PDLIM5: variants seen among roughly 807,000 people sequenced by gnomAD.
PDLIM5 encodes PDZ and LIM domain protein 5.
Under a neutral mutation model 64.2 loss-of-function variants are expected in PDLIM5, and 34 were observed. That is an observed-to-expected ratio of 0.53 (90% CI 0.40 to 0.71). The LOEUF is 0.71. PDLIM5 is among the 30% of genes least tolerant of loss of function. The probability of loss-of-function intolerance (pLI) is 0.00; values close to 1 mark genes in which losing one functional copy is unlikely to be tolerated. For missense variants in PDLIM5, 683 were observed against 733.6 expected (o/e 0.93, Z 0.80); for synonymous variants, 253 against 269.1 (o/e 0.94, Z 0.59).
intron 9 of PDLIM5, among the ~76,000 whole-genome samples, chr4:94,645,051 C>T (rs992415994): frequency 6.6e-6 from 1 of 152,092 alleles, no homozygotes; most frequent in African/African-American, 2.4e-5. Flanking sequence ...AATTTGTAGT[C>T]TTTTATCCCT....
rs1298668515 is a variant in PDLIM5 at position 94,582,831 on chromosome 4, T to C, written c.711-2734T>C. 5 of 768,194 alleles carry C rather than the reference T, an allele frequency of 6.5e-6. No individual in the cohort carries two copies. The African/African-American group carries it at 8.7e-5, about 13-fold the overall frequency. The allele number at this position is 768,194 out of a possible 1,614,324, so 47.6% of individuals were successfully genotyped here. On this transcript the variant is annotated intron_variant, in intron 5 of 12. Transcript: ENST00000317968. Reference sequence around the variant, plus strand: ...AGCAAATTTTGTTAGGATTTTCTCATTATAAGAATTTTCAAAAATGTTAAG... The same window carrying C: ...AGCAAATTTTGTTAGGATTTTCTCACTATAAGAATTTTCAAAAATGTTAAG...
intron 8 of PDLIM5, among the ~76,000 whole-genome samples, chr4:94,632,046 C>T (rs753427515): frequency 2.0e-5 from 3 of 152,254 alleles, no homozygotes; most frequent in African/African-American, 2.4e-5. Context: ...TGTGAACACA[C>T]GCATAGCGTA....
chr4:94,591,300 G>A (rs1333770541), intron 7 of PDLIM5, among the ~76,000 whole-genome samples: 1 of 152,012 alleles, frequency 6.6e-6, no homozygotes, highest in Non-Finnish European at 1.5e-5. Context: ...TTTTTTCTTG[G>A]TTAGAAGTAG....
chr4:94,587,925 A>G, intron 7 of PDLIM5: 1 of 970,474 alleles, frequency 1.0e-6, no homozygotes, highest in Non-Finnish European at 1.2e-6. Context: ...GACATCAGAG[A>G]AATATTTTAC....
chr4:94,588,048 A>G (rs1288456849), intron 7 of PDLIM5: 9 of 903,940 alleles, frequency 1.0e-5, no homozygotes, highest in African/African-American at 1.8e-5. Context: ...AATATAGTGT[A>G]TTATATATTA....
chr4:94,515,876 CT>C (rs1729314492), intron 2 of PDLIM5, among the ~76,000 whole-genome samples: 1 of 152,158 alleles, frequency 6.6e-6, no homozygotes, highest in African/African-American at 2.4e-5. Context: ...ACTGATTTCT[CT>C]GTAATTAACA....
Position 94,561,021 on chromosome 4 carries a change from C to T in PDLIM5, c.249-12330C>T, listed in dbSNP as rs144111347. On this transcript the variant is annotated intron_variant, in intron 3 of 12. Transcript: ENST00000317968. ...GGATTACAGGCTTGAGCCACCGCGC[C>T]CAGCCAACTTAGATGATTTTTAAAA... Among the ~76,000 whole-genome samples, 432 of 152,282 alleles carry T rather than the reference C, an allele frequency of 2.8e-3. 1 individual carries two copies. The highest frequency in any genetic ancestry group is 4.8e-3 in the Non-Finnish European group (324 of 68,028).
intron 9 of PDLIM5, among the ~76,000 whole-genome samples, chr4:94,640,897 A>G (rs1056440078): frequency 6.6e-6 from 1 of 152,238 alleles, no homozygotes; most frequent in Non-Finnish European, 1.5e-5. Flanking sequence ...TTTTGAGTAC[A>G]CAAGCACTGA....
rs11946158 is a variant in PDLIM5, at chr4:94,658,911, T to G, written c.1585+1364T>G. On this transcript the variant is annotated intron_variant, in intron 11 of 12. Transcript: ENST00000317968. Reference sequence around the variant, plus strand: ...TGGGTTTTGTTTGTTTGTTTGTTTGTTTGGTTTTTAGTTTGATTTGTTTGT... The same window carrying G: ...TGGGTTTTGTTTGTTTGTTTGTTTGGTTGGTTTTTAGTTTGATTTGTTTGT... Among the ~76,000 whole-genome samples, 665 of 152,338 alleles carry G rather than the reference T, an allele frequency of 4.4e-3. 2 individuals are homozygous for G. The highest frequency in any genetic ancestry group is 0.013 in the African/African-American group (542 of 41,568).
At chr4:94,588,258 A>G (rs986339765) in intron 7 of PDLIM5, 15 of 803,022 alleles carry the variant, frequency 1.9e-5, no homozygotes, top group Non-Finnish European at 2.3e-5. Context: ...TGAGGTTACT[A>G]AAATATGGGT....
chr4:94,620,682 A>T (rs1183810055), intron 8 of PDLIM5, among the ~76,000 whole-genome samples: 2 of 152,098 alleles, frequency 1.3e-5, no homozygotes, highest in African/African-American at 4.8e-5. Flanking sequence ...TAAATAAATT[A>T]TTTATAAATT....
Position 94,654,560 on chromosome 4 carries a change from A to AAAGG in PDLIM5, c.1386_1389dup (p.Ala464ArgfsTer6). ...GGCCTACATTGGATTTGTAGAGGAGAAAGGAGCCCTGTATTGTGAGCTGTG... is the reference window on the plus strand; with the variant it reads ...GGCCTACATTGGATTTGTAGAGGAGAAAGGAAGGAGCCCTGTATTGTGAGCTGTG... On this transcript the variant is annotated frameshift_variant, in exon 10 of 13. Coordinates refer to ENST00000317968, the MANE Select transcript of PDLIM5 (RefSeq NM_006457.5). LOFTEE classifies it high-confidence loss of function. 6.2e-7 allele frequency: 1 copy of AAAGG among 1,612,482 alleles called. No homozygotes were observed. Among genetic ancestry groups the AAAGG allele is most frequent in the Non-Finnish European group, 8.5e-7 (1 of 1,178,540 alleles).
Position 94,487,650 on chromosome 4 carries a change from G to A in PDLIM5, c.96+32266G>A, listed in dbSNP as rs114794508. On this transcript the variant is annotated intron_variant, in intron 2 of 12. Transcript: ENST00000317968. Reference sequence around the variant, plus strand: ...GTACTCCCTGTAAAATATTCATTAGGAATGGAGACTTCATGGTGCTTACTG... The same window carrying A: ...GTACTCCCTGTAAAATATTCATTAGAAATGGAGACTTCATGGTGCTTACTG... Among the ~76,000 whole-genome samples the A allele has an allele frequency of 6.5e-3, 986 of 152,286 alleles. 10 individuals carry two copies. The highest frequency in any genetic ancestry group is 0.011 in the Non-Finnish European group (758 of 68,030).
At chr4:94,488,862 T>C (rs965587840) in intron 2 of PDLIM5, among the ~76,000 whole-genome samples, 2 of 152,226 alleles carry the variant, frequency 1.3e-5, no homozygotes, top group Non-Finnish European at 2.9e-5. Context: ...CTTCAATCTT[T>C]ACTAAAGCAA....
At chr4:94,508,399 C>G (rs183000722) in intron 2 of PDLIM5, among the ~76,000 whole-genome samples, 3 of 152,130 alleles carry the variant, frequency 2.0e-5, no homozygotes, top group Non-Finnish European at 4.4e-5. Context: ...CTAACCTAAA[C>G]AAAGAGCTGG....
intron 7 of PDLIM5, among the ~76,000 whole-genome samples, chr4:94,607,123 C>T (rs1254640536): frequency 6.6e-6 from 1 of 152,178 alleles, no homozygotes; most frequent in Non-Finnish European, 1.5e-5. Context: ...TTTTCTTCAA[C>T]TGTCTACGTT....
rs1729195140 is a variant in PDLIM5, at chr4:94,514,446, A to G, written c.97-9278A>G. ...ACTTCGCCTGGCCTCGGTTTGCAGT[A>G]TTTTCTGGAGGATTTTTGCATCAAT... On this transcript the variant is annotated intron_variant, in intron 2 of 12. Coordinates refer to ENST00000317968, the MANE Select transcript of PDLIM5 (RefSeq NM_006457.5). 1.3e-5 allele frequency among the ~76,000 whole-genome samples: 2 copies of G among 151,614 alleles called. 1 individual carries two copies. Among genetic ancestry groups the G allele is most frequent in the Admixed American group, 1.3e-4 (2 of 15,224 alleles).
chr4:94,503,617 T>A (rs1390130543), intron 2 of PDLIM5, among the ~76,000 whole-genome samples: 1 of 151,630 alleles, frequency 6.6e-6, no homozygotes, highest in Non-Finnish European at 1.5e-5. Flanking sequence ...ACCAGAAGGA[T>A]TTCTTTCATT....
At chr4:94,569,574 C>T (rs527700770) in intron 3 of PDLIM5, among the ~76,000 whole-genome samples, 1 of 152,280 alleles carries the variant, frequency 6.6e-6, no homozygotes, top group African/African-American at 2.4e-5. Flanking sequence ...CCCACCTCAG[C>T]CTCCCAAAGT....
Sources: gnomAD v4.1 joint callset for allele counts (sites outside exome capture counted in the v4.1 genomes callset) on GRCh38, gnomAD v4.1.1 for gene constraint, MANE v1.5 for transcripts, NCBI Gene and HGNC (gene_info 2026-07-23, HGNC 2026-07-21) for gene names.